DCAF8L2: variants seen among roughly 807,000 people sequenced by gnomAD.
DCAF8L2 encodes the protein DDB1 and CUL4 associated factor 8 like 2, also known as DDB1- and CUL4-associated factor 8-like protein 2.
For synonymous variants in DCAF8L2, 200 were observed against 190.9 expected, an observed-to-expected ratio of 1.05 and a Z score of -0.39; for missense variants, 430 against 490.7, an observed-to-expected ratio of 0.88 and a Z score of 1.17.
chrX:27,713,574 G>C (rs1602767051), intron 3 of DCAF8L2, among the ~76,000 whole-genome samples: 1 of 111,508 alleles, frequency 9.0e-6, no homozygotes, highest in East Asian at 2.8e-4. Context: ...GAGTAAAAAA[G>C]GTATTAATGT....
the DCAF8L2 span, among the ~76,000 whole-genome samples, chrX:27,573,791 TAAGGGTATGTATGCTA>T: frequency 9.0e-6 from 1 of 111,135 alleles, no homozygotes; most frequent in Non-Finnish European, 1.9e-5. Flanking sequence ...TTGGGTCACC[TAAGGGTATGTATGCTA>T]AACGTTGTAT....
intron 1 of DCAF8L2, among the ~76,000 whole-genome samples, chrX:27,619,401 A>AAGAG (rs766778326): frequency 9.2e-6 from 1 of 109,024 alleles, no homozygotes; most frequent in Non-Finnish European, 1.9e-5. Context: ...GAGAGAGAGA[A>AAGAG]AGAGAGAGAG....
At chrX:27,616,054 A>G (rs1002286487) in intron 1 of DCAF8L2, among the ~76,000 whole-genome samples, 3 of 111,338 alleles carry the variant, frequency 2.7e-5, no homozygotes, top group Middle Eastern at 4.8e-3. Context: ...TTGTGAAACT[A>G]AACTGAATAC....
rs189730978 is a variant in DCAF8L2, at chrX:27,655,932, A to T, written c.-219-21904A>T. On this transcript the variant is annotated intron_variant, in intron 2 of 4. Transcript: ENST00000451261. ...ATTTTTCTTCTCCCTTTGCCCTTTAATTTTTTATAAAAAACCTCTGTCTCC... is the reference window on the plus strand; with the variant it reads ...ATTTTTCTTCTCCCTTTGCCCTTTATTTTTTTATAAAAAACCTCTGTCTCC... Among the ~76,000 whole-genome samples, 302 of 111,089 alleles carry T rather than the reference A, an allele frequency of 2.7e-3. 1 individual carries two copies. Among genetic ancestry groups the T allele is most frequent in the Non-Finnish European group, 4.9e-3 (257 of 52,952 alleles).
intron 4 of DCAF8L2, among the ~76,000 whole-genome samples, chrX:27,722,900 G>C (rs777275494): frequency 1.8e-5 from 2 of 110,468 alleles, no homozygotes; most frequent in Non-Finnish European, 1.9e-5. Context: ...CCAGGAGAAT[G>C]ATCTGAAAAG....
At chrX:27,633,871 T>TGTAGG in intron 2 of DCAF8L2, 1 of 111,919 alleles carries the variant, frequency 8.9e-6, no homozygotes, top group South Asian at 3.7e-4. Flanking sequence ...ATCCTACACT[T>TGTAGG]ATCAATGTTA....
At chrX:27,609,925 C>G (rs2147134892) in intron 1 of DCAF8L2, among the ~76,000 whole-genome samples, 1 of 111,538 alleles carries the variant, frequency 9.0e-6, no homozygotes, top group African/African-American at 3.3e-5. Flanking sequence ...TATTACAAAC[C>G]TCTTCGTTAT....
chrX:27,576,796 A>C, the DCAF8L2 span, among the ~76,000 whole-genome samples: 1 of 112,225 alleles, frequency 8.9e-6, no homozygotes, highest in African/African-American at 3.2e-5. Flanking sequence ...CTTATTCAAA[A>C]TGGCTTTATA....
At chrX:27,532,728 AT>A in the DCAF8L2 span, among the ~76,000 whole-genome samples, 22 of 20,160 alleles carry the variant, frequency 1.1e-3, no homozygotes, top group African/African-American at 2.8e-3. Flanking sequence ...TGAGACCCAT[AT>A]TTATTTATTT....
intron 1 of DCAF8L2, among the ~76,000 whole-genome samples, chrX:27,611,052 G>T (rs1927138458): frequency 8.0e-5 from 9 of 111,967 alleles, no homozygotes; most frequent in Admixed American, 7.6e-4. Flanking sequence ...TAACTGTACT[G>T]TTCTCTATTA....
intron 2 of DCAF8L2, among the ~76,000 whole-genome samples, chrX:27,666,839 A>G (rs928048741): frequency 8.0e-5 from 9 of 112,038 alleles, no homozygotes; most frequent in Non-Finnish European, 1.3e-4. Context: ...TCATTGTAAC[A>G]TATTATCCAC....
At chrX:27,499,837 G>GA in the DCAF8L2 span, among the ~76,000 whole-genome samples, 1 of 19,891 alleles carries the variant, frequency 5.0e-5, no homozygotes, top group Non-Finnish European at 2.2e-4. Flanking sequence ...ATTTGGTGGT[G>GA]GGGGGGGGTA....
the DCAF8L2 span, among the ~76,000 whole-genome samples, chrX:27,541,822 T>C: frequency 9.0e-6 from 1 of 111,384 alleles, no homozygotes; most frequent in Non-Finnish European, 1.9e-5. Flanking sequence ...ATAGGTTGTT[T>C]TACAGTCCCT....
the DCAF8L2 span, among the ~76,000 whole-genome samples, chrX:27,528,521 CAT>C: frequency 1.9e-5 from 2 of 102,899 alleles, no homozygotes; most frequent in African/African-American, 3.5e-5. Context: ...CACACATACA[CAT>C]ATATGTTTAT....
At chrX:27,584,231 A>G in the DCAF8L2 span, among the ~76,000 whole-genome samples, 7 of 111,585 alleles carry the variant, frequency 6.3e-5, no homozygotes, top group South Asian at 1.5e-3. Context: ...CATGAAGACA[A>G]TAGAACCTTT....
At chrX:27,636,619 T>C (rs1399714424) in intron 2 of DCAF8L2, among the ~76,000 whole-genome samples, 2 of 111,210 alleles carry the variant, frequency 1.8e-5, no homozygotes, top group Non-Finnish European at 3.8e-5. Context: ...GTGGTCTGAA[T>C]GCATCTCAAA....
the DCAF8L2 span, among the ~76,000 whole-genome samples, chrX:27,541,594 C>T: frequency 9.1e-6 from 1 of 110,026 alleles, no homozygotes; most frequent in African/African-American, 3.3e-5. Context: ...TCTTGAACTT[C>T]CGACCTCAGG....
At chrX:27,677,220 C>A (rs1348046230) in intron 2 of DCAF8L2, among the ~76,000 whole-genome samples, 1 of 111,731 alleles carries the variant, frequency 9.0e-6, no homozygotes, top group African/African-American at 3.2e-5. Context: ...AGATTCATTC[C>A]TTCATCCCAC....
intron 2 of DCAF8L2, among the ~76,000 whole-genome samples, chrX:27,671,428 T>TA (rs1224271368): frequency 2.7e-5 from 3 of 112,422 alleles, no homozygotes; most frequent in Non-Finnish European, 5.6e-5. Flanking sequence ...AAGAATGCTT[T>TA]ATCAGCAATT....
Sources: allele counts gnomAD v4.1 joint callset (sites outside exome capture counted in the v4.1 genomes callset), GRCh38; gene constraint gnomAD v4.1.1; transcripts MANE v1.5; gene names NCBI Gene and HGNC (gene_info 2026-07-23, HGNC 2026-07-21).